Variants in GCN1 observed in about 807,000 individuals in gnomAD.
GCN1 encodes GCN1 activator of EIF2AK4.
A neutral mutation model predicts 288.4 loss-of-function variants in GCN1; 90 were observed. The ratio of observed to expected loss-of-function variants is 0.31; its 90% CI spans 0.26 to 0.37. The LOEUF (loss-of-function observed/expected upper bound fraction) is 0.37. GCN1 is among the 10% of genes least tolerant of loss of function. The probability of loss-of-function intolerance (pLI) is 1.00; values close to 1 mark genes in which losing one functional copy is unlikely to be tolerated. For missense variants in GCN1, 2,586 were observed against 3,419.9 expected (o/e 0.76, Z 6.08); for synonymous variants, 1,386 against 1,420.2 (o/e 0.98, Z 0.54).
intron 33 of GCN1, among the ~76,000 whole-genome samples, chr12:120,152,507 G>A (rs1187025926): frequency 7.7e-6 from 1 of 129,062 alleles, no homozygotes; most frequent in Non-Finnish European, 1.6e-5. Flanking sequence ...GTAGCTTAGA[G>A]GCTACATTAA....
chr12:120,171,800 A>G (rs1878321850), intron 14 of GCN1, among the ~76,000 whole-genome samples: 1 of 152,250 alleles, frequency 6.6e-6, no homozygotes, highest in African/African-American at 2.4e-5. Flanking sequence ...GGTAAAACCA[A>G]GTTTTTGCCA....
rs71072594 is a variant in GCN1, at chr12:120,181,465, C to CAAAAAAAAAAAAA, written c.426+2091_426+2103dup. 6.5e-4 allele frequency among the ~76,000 whole-genome samples: 48 copies of CAAAAAAAAAAAAA among 73,984 alleles called. 1 individual carries two copies. Among genetic ancestry groups the CAAAAAAAAAAAAA allele is most frequent in the African/African-American group, 2.6e-3 (43 of 16,750 alleles). The allele number at this position is 73,984 out of a possible 152,430, so 48.5% of individuals were successfully genotyped here. A position where few individuals can be genotyped will look rare whatever the true frequency, so the allele number is the denominator to read the frequency against. ...GGGTGACAGAGCAAGATCTTTGTCT[C>CAAAAAAAAAAAAA]AAAAAAAAAAAAAAAAAAAAAGAAG... On this transcript the variant is annotated intron_variant, in intron 5 of 57. Coordinates refer to ENST00000300648, the MANE Select transcript of GCN1 (RefSeq NM_006836.2).
chr12:120,193,290 G>C (rs1879065389), intron 1 of GCN1, among the ~76,000 whole-genome samples: 1 of 152,126 alleles, frequency 6.6e-6, no homozygotes, highest in South Asian at 2.1e-4. Context: ...AATGTGGCTG[G>C]TACAAGTGAA....
At chr12:120,172,645 G>T (rs910772894) in intron 14 of GCN1, among the ~76,000 whole-genome samples, 2 of 152,076 alleles carry the variant, frequency 1.3e-5, no homozygotes, top group Non-Finnish European at 2.9e-5. Context: ...GAGTAGCTGG[G>T]ATTACAAGCA....
chr12:120,149,577 G>A (rs747301614), intron 36 of GCN1, 29 bp downstream of exon 36: 1 of 1,492,138 alleles, frequency 6.7e-7, no homozygotes, highest in South Asian at 1.1e-5. Context: ...ACAGGAAGCT[G>A]GGAAGAGAGG....
At chr12:120,160,656 C>G (rs1307887701) in intron 22 of GCN1, among the ~76,000 whole-genome samples, 1 of 152,194 alleles carries the variant, frequency 6.6e-6, no homozygotes, top group East Asian at 1.9e-4. Context: ...TAGAAAAGGC[C>G]TGCTATAGTG....
Position 120,137,355 on chromosome 12 carries a change from G to C in GCN1, c.6664-36C>G. 1 of 1,537,864 alleles carries C rather than the reference G, an allele frequency of 6.5e-7. No individual in the cohort carries two copies. The highest frequency in any genetic ancestry group is 9.0e-7 in the Non-Finnish European group (1 of 1,111,288). On this transcript the variant is annotated intron_variant, in intron 49 of 57. Transcript: ENST00000300648. The surrounding 1 kb of genome is among the most constrained non-coding windows in gnomAD (Gnocchi z 5.2). ...CCAGGAAAAAGCGAGAGGATGTACAGCCCTCTCAAGACTGCTTCCAAAGAA... is the reference window on the plus strand; with the variant it reads ...CCAGGAAAAAGCGAGAGGATGTACACCCCTCTCAAGACTGCTTCCAAAGAA...
At position 120,155,537 on chromosome 12, in the gene GCN1, T is replaced by C; in HGVS notation, c.3440+55A>G. ...AGGCTGAGCACACTGGGTTCAGTTA[T>C]TTCCTAAAGGAAGAGAGGATGCAGC... On this transcript the variant is annotated intron_variant, in intron 29 of 57. Transcript: ENST00000300648. This position sits in a 1 kb window ranked among gnomAD's most constrained non-coding sequence, Gnocchi z 4.9. The C allele has an allele frequency of 6.2e-7, 1 of 1,611,296 alleles. No homozygotes were observed.
rs752144477 is a variant in GCN1, at chr12:120,155,528, G to A, written c.3440+64C>T. ...TCCCACTGGAGGCTGAGCACACTGG[G>A]TTCAGTTATTTCCTAAAGGAAGAGA... On this transcript the variant is annotated intron_variant, in intron 29 of 57. Transcript: ENST00000300648. The surrounding 1 kb of genome is among the most constrained non-coding windows in gnomAD (Gnocchi z 4.9). The A allele has an allele frequency of 8.1e-6, 13 of 1,607,610 alleles. No individual in the cohort carries two copies. The highest frequency in any genetic ancestry group is 1.7e-5 in the Admixed American group (1 of 59,960).
At position 120,137,408 on chromosome 12, in the gene GCN1, TA is replaced by T; in HGVS notation, c.6664-90del. 7.1e-7 allele frequency: 1 copy of T among 1,405,846 alleles called. No individual in the cohort carries two copies. The highest frequency in any genetic ancestry group is 1.0e-6 in the Non-Finnish European group (1 of 995,946). 87.1% of individuals were successfully genotyped at this position (1,405,846 alleles called of 1,614,324 possible). ...TATGGGGAAAGCGTGGGCGGGAGTA[TA>T]AACAAGACTTGCCACGAGTGGGTAA... On this transcript the variant is annotated intron_variant, in intron 49 of 57. Coordinates refer to ENST00000300648, the MANE Select transcript of GCN1 (RefSeq NM_006836.2). This position sits in a 1 kb window ranked among gnomAD's most constrained non-coding sequence, Gnocchi z 5.2.
chr12:120,160,208 G>T lies in GCN1; in HGVS notation c.2484C>A (p.Ser828Arg), dbSNP rs1877881762. 1 of 1,612,344 alleles carries T rather than the reference G, an allele frequency of 6.2e-7. No individual in the cohort carries two copies. The highest frequency in any genetic ancestry group is 8.5e-7 in the Non-Finnish European group (1 of 1,179,974). Residue 828 changes from serine (S) to arginine (R), a missense_variant, in exon 23 of 58, where the codon AGC (serine) becomes AGA (arginine). Physicochemically the swap from Ser to Arg is moderately radical, Grantham distance 110 (BLOSUM62 -1). Coordinates refer to ENST00000300648, the MANE Select transcript of GCN1 (RefSeq NM_006836.2). ...KGIKEEVQLTSKQKEMLQAQL... is the reference protein window; with the variant it reads ...KGIKEEVQLTRKQKEMLQAQL... The stretch of plus-strand genomic sequence containing the variant: ...GGGCCTGCAGCATCTCCTTCTGCTT[G>T]CTGGTCAGCTGCACCTCCTCTTTGA...
rs895423985 is a variant in GCN1, at chr12:120,134,958, C to A, written c.7009-232G>T. On this transcript the variant is annotated intron_variant, in intron 51 of 57. Coordinates refer to ENST00000300648, the MANE Select transcript of GCN1 (RefSeq NM_006836.2). The surrounding 1 kb of genome is among the most constrained non-coding windows in gnomAD (Gnocchi z 5.0). ...CTGGAGGAGCAGGAGGCCGAGGAGG[C>A]GGCGGCCGCTATCTGAGGGAGCTGT... is the stretch of plus-strand genomic sequence containing the variant. Among the ~76,000 whole-genome samples, 1 of 152,208 alleles carries A rather than the reference C, an allele frequency of 6.6e-6. No individual in the cohort carries two copies. The highest frequency in any genetic ancestry group is 2.4e-5 in the African/African-American group (1 of 41,454).
Position 120,127,660 on chromosome 12 carries a change from T to G in GCN1, c.*189A>C. The G allele has an allele frequency of 1.5e-6, 1 of 649,652 alleles. No individual in the cohort carries two copies. The highest frequency in any genetic ancestry group is 2.7e-6 in the Non-Finnish European group (1 of 375,062). The allele number at this position is 649,652 out of a possible 1,614,324, so 40.2% of individuals were successfully genotyped here. ...TCCTTCTCTTCTCCACAGGAAAAGG[T>G]GAGAGATGGAGGAGGCAATTTTCAG... On this transcript the variant is annotated 3_prime_UTR_variant, in exon 58 of 58. Transcript: ENST00000300648.
chr12:120,168,352 G>A (rs1293116106), intron 15 of GCN1, 52 bp from the exon 16 acceptor site: 1 of 1,072,414 alleles, frequency 9.3e-7, no homozygotes, highest in East Asian at 2.4e-5. Flanking sequence ...ATCCCCCAGA[G>A]CTGATCTACT....
Position 120,127,768 on chromosome 12 carries a change from C to T in GCN1, c.*81G>A. 6.9e-7 allele frequency: 1 copy of T among 1,457,568 alleles called. No homozygotes were observed. Among genetic ancestry groups the T allele is most frequent in the African/African-American group, 1.4e-5 (1 of 71,576 alleles). The allele number at this position is 1,457,568 out of a possible 1,614,324, so 90.3% of individuals were successfully genotyped here. On this transcript the variant is annotated 3_prime_UTR_variant, in exon 58 of 58. Coordinates refer to ENST00000300648, the MANE Select transcript of GCN1 (RefSeq NM_006836.2). ...CTGGGAACGCCATCTTCCAAGCTCC[C>T]CATTGGAACAAATGTATTTTCAAAA...
At position 120,156,904 on chromosome 12, in the gene GCN1, C is replaced by T. The variant is rs968633470; in HGVS notation, c.3168+8G>A. The T allele has an allele frequency of 6.3e-7, 1 of 1,593,420 alleles. No individual in the cohort carries two copies. The highest frequency in any genetic ancestry group is 1.3e-5 in the African/African-American group (1 of 74,640). ...GTCACAGCAACAGCCAACTGAAAAC[C>T]ACATCACCTGTAAGCGAGGCGAGCC... On this transcript the variant is annotated splice_region_variant and intron_variant, in intron 27 of 57. Transcript: ENST00000300648. The surrounding 1 kb of genome is among the most constrained non-coding windows in gnomAD (Gnocchi z 5.8).
In GCN1 at chr12:120,136,629, G is replaced by A. The variant is rs1877012372; in HGVS notation, c.6881C>T (p.Thr2294Ile). Reference sequence around the variant, plus strand: ...GGAGGGCCTCAGGGCGTCAGCCGAGGTCAGGCGGATTACCAAGCCTAAGGC... The same window carrying A: ...GGAGGGCCTCAGGGCGTCAGCCGAGATCAGGCGGATTACCAAGCCTAAGGC... ...AKALGLVIRL[T>I]SADALRPSVV... The change falls in exon 51 of 58, where the codon ACC becomes ATC. Residue 2294 changes from threonine (T) to isoleucine (I), a missense_variant. By Grantham distance (89) the Thr-to-Ile change is moderately conservative. Around this residue, in one of 8 missense-constraint regions of GCN1, gnomAD observed 437 missense variants for 570.5 expected, o/e 0.77. Coordinates refer to ENST00000300648, the MANE Select transcript of GCN1 (RefSeq NM_006836.2). 6.2e-7 allele frequency: 1 copy of A among 1,614,208 alleles called. No individual in the cohort carries two copies. Among genetic ancestry groups the A allele is most frequent in the African/African-American group, 1.3e-5 (1 of 75,066 alleles).
At position 120,138,055 on chromosome 12, in the gene GCN1, G is replaced by T; in HGVS notation, c.6250-11C>A. 1 of 1,607,468 alleles carries T rather than the reference G, an allele frequency of 6.2e-7. No homozygotes were observed. Among genetic ancestry groups the T allele is most frequent in the Non-Finnish European group, 8.5e-7 (1 of 1,176,882 alleles). On this transcript the variant is annotated splice_polypyrimidine_tract_variant and intron_variant, in intron 47 of 57. Coordinates refer to ENST00000300648, the MANE Select transcript of GCN1 (RefSeq NM_006836.2). ...AGGTGGCGTTGTCAGCTGGTGGAAT[G>T]ACAAACATTAACTCAGTGAATACTG...
At chr12:120,183,346 T>C (rs1333102864) in intron 5 of GCN1, among the ~76,000 whole-genome samples, 2 of 152,196 alleles carry the variant, frequency 1.3e-5, no homozygotes, top group Non-Finnish European at 2.9e-5. Context: ...TTCTAGTGCC[T>C]AGCACCATGC....
Sources: gnomAD v4.1 joint callset for allele counts (sites outside exome capture counted in the v4.1 genomes callset) on GRCh38, gnomAD v4.1.1 for gene constraint, gnomAD v4.1.1 regional missense constraint, Gnocchi (gnomAD v3.1) non-coding constraint, MANE v1.5 for transcripts, NCBI Gene and HGNC (gene_info 2026-07-23, HGNC 2026-07-21) for gene names.